The following CFH variants were observed in gnomAD, a reference collection of about 807,000 sequenced individuals.
The protein encoded by CFH is complement factor H.
Under a neutral mutation model 147.3 loss-of-function variants are expected in CFH, and 53 were observed. The observed-to-expected ratio is 0.36, with a 90% CI of 0.29 to 0.45. The LOEUF is 0.45. Ranked by LOEUF, CFH falls within the 20% of genes least tolerant of loss-of-function variation. The pLI is 1.00. For synonymous variants in CFH, 536 were observed against 489.4 expected (o/e 1.10, Z -1.26); for missense variants, 1,380 against 1,498.0 (o/e 0.92, Z 1.30).
rs371965990 is a variant in CFH at position 196,740,580 on chromosome 1, A to G, written c.2783-39A>G. The G allele has an allele frequency of 2.1e-5, 33 of 1,594,024 alleles. No individual in the cohort carries two copies. The South Asian group carries it at 3.5e-4, about 17-fold the overall frequency. On this transcript the variant is annotated intron_variant, in intron 17 of 21. Coordinates refer to ENST00000367429, the MANE Select transcript of CFH (RefSeq NM_000186.4). ...AAAACAGGCATATAAAATTAAATTT[A>G]TGAGTTAGTGAAACCTGAATTCATT...
chr1:196,704,552 G>C (rs142236764), intron 9 of CFH, among the ~76,000 whole-genome samples: 199 of 152,334 alleles, frequency 1.3e-3, no homozygotes, highest in African/African-American at 4.6e-3. Context: ...CCCCTGAAGA[G>C]ATACTCCAAA....
chr1:196,719,388 T>A (rs1419388249), intron 11 of CFH, among the ~76,000 whole-genome samples: 1 of 151,922 alleles, frequency 6.6e-6, no homozygotes, highest in African/African-American at 2.4e-5. Flanking sequence ...AGAAGATTGG[T>A]ATAGACTTTT....
intron 6 of CFH, 58 bp downstream of exon 6, chr1:196,679,851 C>T: frequency 7.1e-7 from 1 of 1,416,846 alleles, no homozygotes; most frequent in African/African-American, 1.4e-5. Flanking sequence ...TTAATTAATT[C>T]TTTTAATAAA....
chr1:196,705,169 C>G (rs564911391), intron 9 of CFH, among the ~76,000 whole-genome samples: 1 of 150,990 alleles, frequency 6.6e-6, no homozygotes, highest in Admixed American at 6.6e-5. Context: ...ACAACTATGG[C>G]AAATTGACCA....
chr1:196,721,719 A>C (rs888829101), intron 11 of CFH, among the ~76,000 whole-genome samples: 5 of 151,728 alleles, frequency 3.3e-5, no homozygotes, highest in African/African-American at 1.2e-4. Flanking sequence ...GTAGCATTTC[A>C]TTTATGAATC....
intron 9 of CFH, among the ~76,000 whole-genome samples, chr1:196,703,696 A>C (rs1483297347): frequency 6.6e-6 from 1 of 152,094 alleles, no homozygotes; most frequent in Non-Finnish European, 1.5e-5. Flanking sequence ...TTTAAAGCAC[A>C]GTTTTTTGCT....
chr1:196,738,333 C>G (rs1422741309), intron 17 of CFH, among the ~76,000 whole-genome samples: 1 of 152,148 alleles, frequency 6.6e-6, no homozygotes, highest in Non-Finnish European at 1.5e-5. Flanking sequence ...CAACAGTCCT[C>G]CAAATCTTAA....
chr1:196,730,311 T>A (rs954939557), intron 15 of CFH, among the ~76,000 whole-genome samples: 1 of 151,908 alleles, frequency 6.6e-6, no homozygotes, highest in Admixed American at 6.6e-5. Context: ...AAAATATTTT[T>A]AAATTTATTT....
At chr1:196,714,010 T>C (rs950623550) in intron 10 of CFH, 93 bp downstream of exon 10, 21 of 1,189,480 alleles carry the variant, frequency 1.8e-5, no homozygotes, top group East Asian at 2.5e-5. Flanking sequence ...ATAATTTCAT[T>C]TGAAAAGATA....
chr1:196,701,307 A>G (rs370104499), intron 9 of CFH: 57 of 1,613,576 alleles, frequency 3.5e-5, no homozygotes, highest in African/African-American at 3.1e-4. Flanking sequence ...CTGCTCTTCA[A>G]TCTTTCCCAG....
intron 15 of CFH, 45 bp from the exon 16 acceptor site, chr1:196,736,779 T>A: frequency 1.0e-6 from 1 of 980,548 alleles, no homozygotes; most frequent in Non-Finnish European, 1.3e-6. Context: ...ATTTTTATTT[T>A]TTATTTTTTA....
At chr1:196,655,418 C>A (rs1309697543) in intron 1 of CFH, among the ~76,000 whole-genome samples, 1 of 152,206 alleles carries the variant, frequency 6.6e-6, no homozygotes, top group Non-Finnish European at 1.5e-5. Flanking sequence ...ATATGCTACT[C>A]TTTTGCCTAC....
intron 9 of CFH, among the ~76,000 whole-genome samples, chr1:196,712,245 T>C (rs203680): frequency 0.66 from 99,881 of 151,800 alleles, 33,648 homozygotes; most frequent in East Asian, 0.95. Flanking sequence ...TCTTGCCTGG[T>C]CTTTTACCTT....
chr1:196,654,419 G>A (rs536936798), intron 1 of CFH, among the ~76,000 whole-genome samples: 7 of 152,128 alleles, frequency 4.6e-5, no homozygotes, highest in Admixed American at 3.9e-4. Context: ...CAATTGTGTA[G>A]GAACGTTAAT....
chr1:196,673,284 A>G, intron 2 of CFH, 121 bp downstream of exon 2: 4 of 985,940 alleles, frequency 4.1e-6, no homozygotes, highest in Non-Finnish European at 6.2e-6. Context: ...AAAATAATAC[A>G]TAATCTTTTT....
intron 4 of CFH, chr1:196,677,224 C>T (rs114487092): frequency 4.0e-5 from 15 of 379,292 alleles, no homozygotes; most frequent in African/African-American, 2.9e-4. Context: ...TTTGTTACTA[C>T]AAAAATACAA....
chr1:196,658,056 T>C (rs566688475), intron 1 of CFH, among the ~76,000 whole-genome samples: 162 of 152,218 alleles, frequency 1.1e-3, no homozygotes, highest in African/African-American at 3.7e-3. Context: ...AATGCCCCCT[T>C]AAAATTTGAA....
intron 19 of CFH, among the ~76,000 whole-genome samples, chr1:196,742,563 C>T (rs959676386): frequency 6.6e-6 from 1 of 152,180 alleles, no homozygotes; most frequent in African/African-American, 2.4e-5. Flanking sequence ...GATGATTAAT[C>T]TTAGCTCAAT....
At chr1:196,688,006 A>G (rs188644600) in intron 7 of CFH, among the ~76,000 whole-genome samples, 61 of 152,110 alleles carry the variant, frequency 4.0e-4, no homozygotes, top group African/African-American at 1.5e-3. Flanking sequence ...AAATTTCTCT[A>G]ATCAAATACA....
Sources: gnomAD v4.1 joint callset for allele counts (sites outside exome capture counted in the v4.1 genomes callset) on GRCh38, gnomAD v4.1.1 for gene constraint, MANE v1.5 for transcripts, NCBI Gene and HGNC (gene_info 2026-07-23, HGNC 2026-07-21) for gene names.